PTPRG: variants seen among roughly 807,000 people sequenced by gnomAD.
PTPRG encodes the protein receptor-type tyrosine-protein phosphatase gamma.
Under a neutral mutation model 165.3 loss-of-function variants are expected in PTPRG, and 102 were observed. The observed-to-expected ratio is 0.62, with a 90% CI of 0.53 to 0.73. The LOEUF is 0.73. Ranked by LOEUF, PTPRG falls within the 30% of genes least tolerant of loss-of-function variation. The probability of loss-of-function intolerance (pLI) is 0.00; values close to 1 mark genes in which losing one functional copy is unlikely to be tolerated. For missense variants in PTPRG, 1,866 were observed against 1,861.4 expected, an observed-to-expected ratio of 1.00 and a Z score of -0.05; for synonymous variants, 675 against 669.5, an observed-to-expected ratio of 1.01 and a Z score of -0.13.
intron 2 of PTPRG, among the ~76,000 whole-genome samples, chr3:61,917,930 C>G (rs2038982464): frequency 6.6e-6 from 1 of 151,802 alleles, no homozygotes. Context: ...GAAACTCTGT[C>G]TCAAAAAAAT....
chr3:61,584,570 T>C (rs1383125679), intron 1 of PTPRG, among the ~76,000 whole-genome samples: 1 of 112,072 alleles, frequency 8.9e-6, no homozygotes, highest in Non-Finnish European at 1.8e-5. Flanking sequence ...AAGTAAAGTT[T>C]AGGTTTTTTT....
intron 1 of PTPRG, among the ~76,000 whole-genome samples, chr3:61,688,444 G>T (rs889771231): frequency 6.6e-6 from 1 of 151,926 alleles, no homozygotes; most frequent in Admixed American, 6.6e-5. Flanking sequence ...TTTCTCAGTC[G>T]CCTCCATCTT....
rs1701450780 is a variant in PTPRG, at chr3:62,252,752, A to G, written c.2468-2372A>G. ...TAGCCTTATATTCATCTCAGTATAA[A>G]GAAAAGAGATTTATGACTCCTCAGC... On this transcript the variant is annotated intron_variant, in intron 15 of 29. Transcript: ENST00000474889. This position sits in a 1 kb window ranked among gnomAD's most constrained non-coding sequence, Gnocchi z 4.6. Among the ~76,000 whole-genome samples, 1 of 152,234 alleles carries G rather than the reference A, an allele frequency of 6.6e-6. No individual in the cohort carries two copies. Among genetic ancestry groups the G allele is most frequent in the Non-Finnish European group, 1.5e-5 (1 of 68,046 alleles).
intron 2 of PTPRG, among the ~76,000 whole-genome samples, chr3:61,790,375 A>G (rs941648699): frequency 3.9e-5 from 6 of 152,166 alleles, no homozygotes; most frequent in African/African-American, 9.7e-5. Context: ...GCATCTATTT[A>G]TTACAAACTT....
chr3:61,743,975 A>G (rs915252044), intron 1 of PTPRG, among the ~76,000 whole-genome samples: 2 of 152,226 alleles, frequency 1.3e-5, no homozygotes, highest in Non-Finnish European at 2.9e-5. Flanking sequence ...TTGAAAATCA[A>G]TAGCATGATT....
At chr3:61,571,244 C>CG (rs1700047227) in intron 1 of PTPRG, among the ~76,000 whole-genome samples, 1 of 152,074 alleles carries the variant, frequency 6.6e-6, no homozygotes, top group Non-Finnish European at 1.5e-5. Context: ...CCAAGGTCAC[C>CG]GGGGTAGCAA....
chr3:62,293,962 T>G lies in PTPRG; in HGVS notation c.*655T>G, dbSNP rs1024960215. 2 of 152,566 alleles carry G rather than the reference T, an allele frequency of 1.3e-5. No homozygotes were observed. Among genetic ancestry groups the G allele is most frequent in the East Asian group, 3.9e-4 (2 of 5,192 alleles). 9.5% of individuals were successfully genotyped at this position (152,566 alleles called of 1,614,324 possible). A position where few individuals can be genotyped will look rare whatever the true frequency, so the allele number is the denominator to read the frequency against. ...ATCCCTTATTAGTTACAAAGTTATA[T>G]TCACAGTTTTTTAAAAATGTGTCAA... is the stretch of plus-strand genomic sequence containing the variant. On this transcript the variant is annotated 3_prime_UTR_variant, in exon 30 of 30. Coordinates refer to ENST00000474889, the MANE Select transcript of PTPRG (RefSeq NM_002841.4).
chr3:62,011,646 C>T (rs1274406875), intron 4 of PTPRG, among the ~76,000 whole-genome samples: 1 of 152,176 alleles, frequency 6.6e-6, no homozygotes, highest in Non-Finnish European at 1.5e-5. Flanking sequence ...TAATTTCCAT[C>T]TGGCTGATCT....
In PTPRG at chr3:62,273,086, G is replaced by T; in HGVS notation, c.3318+5G>T. 6.2e-7 allele frequency: 1 copy of T among 1,602,934 alleles called. No individual in the cohort carries two copies. The highest frequency in any genetic ancestry group is 1.1e-5 in the South Asian group (1 of 88,602). On this transcript the variant is annotated splice_donor_5th_base_variant and intron_variant, in intron 22 of 29. Transcript: ENST00000474889. This position sits in a 1 kb window ranked among gnomAD's most constrained non-coding sequence, Gnocchi z 4.1. Reference sequence around the variant, plus strand: ...AACTACCTCGTCCAGACTGAGGTAAGGAGTAGCTGCCAGCGTCCTCACGAC... The same window carrying T: ...AACTACCTCGTCCAGACTGAGGTAATGAGTAGCTGCCAGCGTCCTCACGAC...
Position 62,217,496 on chromosome 3 carries a change from C to T in PTPRG, c.2156-1355C>T, listed in dbSNP as rs778045604. ...TCCCTACTCAGCCTACCTTCTCTCACCTGGAAACTCAACCTGATTAGCTCT... is the reference window on the plus strand; with the variant it reads ...TCCCTACTCAGCCTACCTTCTCTCATCTGGAAACTCAACCTGATTAGCTCT... On this transcript the variant is annotated intron_variant, in intron 12 of 29. Coordinates refer to ENST00000474889, the MANE Select transcript of PTPRG (RefSeq NM_002841.4). The surrounding 1 kb of genome is among the most constrained non-coding windows in gnomAD (Gnocchi z 4.3). The T allele has an allele frequency of 4.6e-5, 7 of 152,302 alleles. No homozygotes were observed. The highest frequency in any genetic ancestry group is 8.8e-5 in the Non-Finnish European group (6 of 68,096). 9.4% of individuals were successfully genotyped at this position (152,302 alleles called of 1,614,324 possible). A position where few individuals can be genotyped will look rare whatever the true frequency, so the allele number is the denominator to read the frequency against.
At chr3:61,643,272 AG>A (rs1380458238) in intron 1 of PTPRG, among the ~76,000 whole-genome samples, 1 of 150,442 alleles carries the variant, frequency 6.6e-6, no homozygotes, top group Non-Finnish European at 1.5e-5. Context: ...AGAGAGAGAG[AG>A]AGAAAGAGAG....
chr3:62,141,917 TG>T (rs1426240369), intron 6 of PTPRG, among the ~76,000 whole-genome samples: 1 of 151,416 alleles, frequency 6.6e-6, no homozygotes, highest in Admixed American at 6.6e-5. Flanking sequence ...AGAAGACATG[TG>T]GGCAAGAATG....
At chr3:61,844,264 G>GA (rs2036740428) in intron 2 of PTPRG, among the ~76,000 whole-genome samples, 1 of 151,844 alleles carries the variant, frequency 6.6e-6, no homozygotes, top group Non-Finnish European at 1.5e-5. Flanking sequence ...ACGCCCAGCT[G>GA]AAAAAAAGTC....
chr3:61,802,628 T>C (rs2035283759), intron 2 of PTPRG, among the ~76,000 whole-genome samples: 1 of 152,202 alleles, frequency 6.6e-6, no homozygotes, highest in Admixed American at 6.5e-5. Context: ...TTATGTCCAT[T>C]CTTTCATTCT....
At chr3:62,035,264 T>C (rs1428132237) in intron 4 of PTPRG, among the ~76,000 whole-genome samples, 1 of 152,158 alleles carries the variant, frequency 6.6e-6, no homozygotes, top group East Asian at 1.9e-4. Flanking sequence ...AGGGCTGATA[T>C]TTCAAAAACC....
At chr3:62,034,652 TGTATA>T (rs1699885504) in intron 4 of PTPRG, among the ~76,000 whole-genome samples, 1 of 152,198 alleles carries the variant, frequency 6.6e-6, no homozygotes, top group South Asian at 2.1e-4. Flanking sequence ...GATGGAAACT[TGTATA>T]GTCAGGTGAT....
chr3:61,930,499 T>C (rs1481841444), intron 2 of PTPRG, among the ~76,000 whole-genome samples: 3 of 152,176 alleles, frequency 2.0e-5, no homozygotes, highest in Admixed American at 6.5e-5. Context: ...CTGCATCTTA[T>C]GTGTTGCGTC....
chr3:61,727,139 G>A (rs1197875530), intron 1 of PTPRG, among the ~76,000 whole-genome samples: 2 of 152,116 alleles, frequency 1.3e-5, no homozygotes, highest in Non-Finnish European at 2.9e-5. Context: ...GAATGCAGGA[G>A]GGGAGAGGAA....
intron 6 of PTPRG, among the ~76,000 whole-genome samples, chr3:62,140,279 A>G (rs1241857191): frequency 1.3e-5 from 2 of 152,214 alleles, no homozygotes; most frequent in African/African-American, 2.4e-5. Context: ...ACACTTAAGT[A>G]TATCCCCAAG....
Sources: allele counts gnomAD v4.1 joint callset (sites outside exome capture counted in the v4.1 genomes callset), GRCh38; gene constraint gnomAD v4.1.1; non-coding constraint Gnocchi (gnomAD v3.1); transcripts MANE v1.5; gene names NCBI Gene and HGNC (gene_info 2026-07-23, HGNC 2026-07-21).